The following EPS15L1 variants were observed in gnomAD, a reference collection of about 807,000 sequenced individuals.
EPS15L1 encodes epidermal growth factor receptor pathway substrate 15 like 1.
A neutral mutation model predicts 117.1 loss-of-function variants in EPS15L1; 43 were observed. That is an observed-to-expected ratio of 0.37 (90% CI 0.29 to 0.47). EPS15L1 has a LOEUF of 0.47. Ranked by LOEUF, EPS15L1 falls within the 20% of genes least tolerant of loss-of-function variation. EPS15L1 has a pLI of 0.99. For synonymous variants in EPS15L1, 459 were observed against 470.5 expected, an observed-to-expected ratio of 0.98 and a Z score of 0.32; for missense variants, 981 against 1,164.0, an observed-to-expected ratio of 0.84 and a Z score of 2.29.
intron 22 of EPS15L1, among the ~76,000 whole-genome samples, chr19:16,367,413 C>A (rs534899233): frequency 6.6e-6 from 1 of 150,530 alleles, no homozygotes; most frequent in Admixed American, 6.6e-5. Context: ...TCAACAGTTA[C>A]CCAAGCGGTG....
At chr19:16,456,860 C>T (rs1053362919) in intron 1 of EPS15L1, among the ~76,000 whole-genome samples, 4 of 151,978 alleles carry the variant, frequency 2.6e-5, no homozygotes, top group African/African-American at 7.3e-5. Flanking sequence ...TGATTCAGCA[C>T]GGCCCCAGTC....
At chr19:16,421,115 C>CTGACCGTCACGGAG (rs1192781285) in intron 10 of EPS15L1, among the ~76,000 whole-genome samples, 1 of 152,262 alleles carries the variant, frequency 6.6e-6, no homozygotes, top group African/African-American at 2.4e-5. Flanking sequence ...AGACAGTGAA[C>CTGACCGTCACGGAG]TGACCGTCAC....
At chr19:16,389,142 G>A (rs1193196361) in intron 19 of EPS15L1, among the ~76,000 whole-genome samples, 1 of 150,554 alleles carries the variant, frequency 6.6e-6, no homozygotes, top group Non-Finnish European at 1.5e-5. Context: ...GGCGGAGGTT[G>A]GAAAAAAAAA....
At chr19:16,439,108 A>G (rs1199389989) in intron 4 of EPS15L1, among the ~76,000 whole-genome samples, 2 of 150,674 alleles carry the variant, frequency 1.3e-5, no homozygotes, top group African/African-American at 4.9e-5. Context: ...GCCTAAGAAC[A>G]TGGATACTTT....
At chr19:16,432,186 C>CA (rs1384443593) in intron 7 of EPS15L1, among the ~76,000 whole-genome samples, 25 of 152,182 alleles carry the variant, frequency 1.6e-4, no homozygotes, top group Non-Finnish European at 4.4e-5. Flanking sequence ...GTAATCCTTG[C>CA]ACTTTGGGAG....
intron 22 of EPS15L1, among the ~76,000 whole-genome samples, chr19:16,376,693 C>T (rs1429000960): frequency 6.6e-6 from 1 of 152,254 alleles, no homozygotes; most frequent in Non-Finnish European, 1.5e-5. Context: ...CCCCAACAGG[C>T]CCTCCCTGAG....
chr19:16,395,219 A>T, intron 17 of EPS15L1, 125 bp downstream of exon 17: 7 of 872,950 alleles, frequency 8.0e-6, no homozygotes, highest in Non-Finnish European at 1.0e-5. Context: ...AAAAAAAAAA[A>T]GGCATTCCTT....
Position 16,355,769 on chromosome 19 carries a change from C to T in EPS15L1, c.2669G>A (p.Arg890Gln), listed in dbSNP as rs1168292587. 5 of 1,535,972 alleles carry T rather than the reference C, an allele frequency of 3.3e-6. No individual in the cohort carries two copies. The highest frequency in any genetic ancestry group is 1.4e-5 in the African/African-American group (1 of 73,064). ...CAGTTCCAGGTCCTCCTGCTCCTGC[C>T]GCCGCAGCCGCGCCAGCCTCTCCTG... ...AEQERLARLR[R>Q]QEQEDLELAI... Residue 890 changes from arginine to glutamine, a missense_variant, in exon 24 of 24, where the codon CGG becomes CAG. Arg to Gln is a conservative substitution (Grantham distance 43). Coordinates refer to ENST00000455140, the MANE Select transcript of EPS15L1 (RefSeq NM_001258374.3).
chr19:16,390,425 G>A (rs1037106880), intron 19 of EPS15L1, among the ~76,000 whole-genome samples: 5 of 152,116 alleles, frequency 3.3e-5, no homozygotes, highest in Admixed American at 1.3e-4. Flanking sequence ...AATGTTTAAC[G>A]CCTCTCTCTC....
At position 16,461,467 on chromosome 19, in the gene EPS15L1, C is replaced by A. The variant is rs564150100; in HGVS notation, c.33+10446G>T. Among the ~76,000 whole-genome samples the A allele has an allele frequency of 1.0e-3, 159 of 151,948 alleles. 2 individuals are homozygous for A. The highest frequency in any genetic ancestry group is 7.5e-3 in the South Asian group (36 of 4,814). On this transcript the variant is annotated intron_variant, in intron 1 of 23. Transcript: ENST00000455140. Reference sequence around the variant, plus strand: ...AGAAACCCCATCTCTACAAAAAATACAAAAATTGGCAGGGTGTGGTGGCAT... The same window carrying A: ...AGAAACCCCATCTCTACAAAAAATAAAAAAATTGGCAGGGTGTGGTGGCAT...
At chr19:16,391,965 G>A (rs1437704760) in intron 19 of EPS15L1, among the ~76,000 whole-genome samples, 2 of 152,160 alleles carry the variant, frequency 1.3e-5, no homozygotes, top group Non-Finnish European at 2.9e-5. Context: ...GGGAGATGAA[G>A]GGGCAGTGGG....
intron 1 of EPS15L1, among the ~76,000 whole-genome samples, chr19:16,458,503 C>T (rs1187037727): frequency 1.3e-5 from 2 of 151,966 alleles, no homozygotes; most frequent in African/African-American, 2.4e-5. Flanking sequence ...GCCCAGCCTC[C>T]TCACCCACGG....
At chr19:16,448,572 G>A (rs1265003603) in intron 1 of EPS15L1, among the ~76,000 whole-genome samples, 5 of 151,176 alleles carry the variant, frequency 3.3e-5, no homozygotes, top group Non-Finnish European at 5.9e-5. Context: ...GGCCGGGCGC[G>A]GTGGCTCACA....
At chr19:16,358,662 G>A (rs138619389) in intron 23 of EPS15L1, among the ~76,000 whole-genome samples, 3 of 152,352 alleles carry the variant, frequency 2.0e-5, no homozygotes, top group East Asian at 3.9e-4. Flanking sequence ...AGCTCGGCAC[G>A]CTGGGCGATG....
chr19:16,360,114 G>A (rs1017522316), intron 23 of EPS15L1, among the ~76,000 whole-genome samples: 1 of 151,254 alleles, frequency 6.6e-6, no homozygotes, highest in Non-Finnish European at 1.5e-5. Flanking sequence ...TGCGGGTTGG[G>A]GTCACAGGAA....
intron 1 of EPS15L1, among the ~76,000 whole-genome samples, chr19:16,464,701 C>A (rs73511192): frequency 0.028 from 4,248 of 151,536 alleles, 62 homozygotes; most frequent in African/African-American, 0.041. Context: ...CTGGGCCACA[C>A]TAGAATTGTC....
chr19:16,401,562 A>T, intron 16 of EPS15L1: 1 of 985,662 alleles, frequency 1.0e-6, no homozygotes, highest in Non-Finnish European at 1.2e-6. Context: ...GAACAGCACC[A>T]AGACGAAATG....
intron 1 of EPS15L1, among the ~76,000 whole-genome samples, chr19:16,444,926 C>T (rs1321512746): frequency 6.6e-6 from 1 of 152,050 alleles, no homozygotes; most frequent in Non-Finnish European, 1.5e-5. Flanking sequence ...GAGGTTTCAC[C>T]ATATTGGCCA....
intron 13 of EPS15L1, among the ~76,000 whole-genome samples, chr19:16,406,263 C>T (rs1338427995): frequency 1.3e-5 from 2 of 152,158 alleles, no homozygotes; most frequent in Non-Finnish European, 2.9e-5. Flanking sequence ...AGTCTCCCTG[C>T]CCCTGGCCTT....
Sources: allele counts gnomAD v4.1 joint callset (sites outside exome capture counted in the v4.1 genomes callset), GRCh38; gene constraint gnomAD v4.1.1; transcripts MANE v1.5; gene names NCBI Gene and HGNC (gene_info 2026-07-23, HGNC 2026-07-21).